Variants in CDH4 observed in about 807,000 individuals in gnomAD.
The protein encoded by CDH4 is cadherin 4, also known as cadherin-4.
In CDH4, 33 loss-of-function variants were observed where a neutral mutation model predicts 86.0. The ratio of observed to expected loss-of-function variants is 0.38; its 90% CI spans 0.29 to 0.51. The LOEUF (loss-of-function observed/expected upper bound fraction) is 0.51. CDH4 is among the 20% of genes least tolerant of loss of function. CDH4 has a pLI of 0.86. For missense variants in CDH4, 1,114 were observed against 1,307.4 expected, an observed-to-expected ratio of 0.85 and a Z score of 2.28; for synonymous variants, 555 against 549.4, an observed-to-expected ratio of 1.01 and a Z score of -0.14.
At chr20:61,720,471 T>G (rs1600911013) in intron 2 of CDH4, among the ~76,000 whole-genome samples, 4 of 92,080 alleles carry the variant, frequency 4.3e-5, no homozygotes, top group Admixed American at 1.3e-4. Flanking sequence ...GGTGAAGGGG[T>G]GGAGAATGCA....
intron 2 of CDH4, among the ~76,000 whole-genome samples, chr20:61,328,827 T>A (rs762213047): frequency 2.0e-5 from 3 of 152,212 alleles, no homozygotes; most frequent in Non-Finnish European, 4.4e-5. Context: ...AAAAATAGTT[T>A]GCTCAAGGAG....
At chr20:61,924,539 CGAGG>C in intron 11 of CDH4, 63 bp downstream of exon 11, 1 of 1,556,424 alleles carries the variant, frequency 6.4e-7, no homozygotes, top group Non-Finnish European at 8.7e-7. Context: ...GTTCTGTGGG[CGAGG>C]GAGGGTGCTG....
chr20:61,677,871 G>C (rs1307995090), intron 2 of CDH4, among the ~76,000 whole-genome samples: 2 of 97,108 alleles, frequency 2.1e-5, no homozygotes, highest in Non-Finnish European at 4.3e-5. Flanking sequence ...ATGGATAGAT[G>C]ATGGATAGAT....
intron 7 of CDH4, among the ~76,000 whole-genome samples, chr20:61,887,481 ACACAGGCATGCACACTCGTG>A (rs1984598626): frequency 1.3e-5 from 2 of 152,350 alleles, no homozygotes; most frequent in Non-Finnish European, 2.9e-5. Flanking sequence ...ATACACGCAC[ACACAGGCATGCACACTCGTG>A]CACAAGCACG....
At chr20:61,312,824 G>A (rs566079014) in intron 2 of CDH4, among the ~76,000 whole-genome samples, 1 of 152,210 alleles carries the variant, frequency 6.6e-6, no homozygotes, top group East Asian at 1.9e-4. Context: ...ACACCAAAGT[G>A]CCTGCAGTCC....
At chr20:61,368,944 C>T (rs1049037362) in intron 2 of CDH4, among the ~76,000 whole-genome samples, 5 of 152,110 alleles carry the variant, frequency 3.3e-5, no homozygotes, top group African/African-American at 4.8e-5. Context: ...CTGAGAAGGA[C>T]GCAGCATCAT....
intron 2 of CDH4, among the ~76,000 whole-genome samples, chr20:61,612,701 G>A (rs547928503): frequency 2.0e-4 from 31 of 152,182 alleles, no homozygotes; most frequent in African/African-American, 6.3e-4. Context: ...GCTTAGACTC[G>A]AGGGTCTAAT....
intron 2 of CDH4, among the ~76,000 whole-genome samples, chr20:61,425,605 G>A (rs2085208805): frequency 6.6e-6 from 1 of 152,268 alleles, no homozygotes; most frequent in African/African-American, 2.4e-5. Context: ...AGGAGGGGCA[G>A]AGCCCAGGGA....
intron 2 of CDH4, among the ~76,000 whole-genome samples, chr20:61,466,568 G>A (rs1416268121): frequency 6.6e-6 from 1 of 152,112 alleles, no homozygotes; most frequent in African/African-American, 2.4e-5. Context: ...TCCTGGCTGG[G>A]CACGGTGGTT....
At chr20:61,609,887 A>G (rs1178196318) in intron 2 of CDH4, among the ~76,000 whole-genome samples, 4 of 151,952 alleles carry the variant, frequency 2.6e-5, no homozygotes, top group Admixed American at 6.5e-5. Flanking sequence ...AGTTGTACAT[A>G]TTTTGGGGAT....
intron 2 of CDH4, among the ~76,000 whole-genome samples, chr20:61,562,154 G>T (rs62199237): frequency 1.9e-5 from 2 of 107,454 alleles, no homozygotes; most frequent in Non-Finnish European, 1.8e-5. Flanking sequence ...CAGGGCTCCC[G>T]GAGAGAGAGA....
At chr20:61,658,118 G>C (rs998235387) in intron 2 of CDH4, among the ~76,000 whole-genome samples, 1 of 152,100 alleles carries the variant, frequency 6.6e-6, no homozygotes, top group Non-Finnish European at 1.5e-5. Flanking sequence ...ATCTGGCTGC[G>C]CTGTTGGCTG....
At chr20:61,831,122 C>A (rs1341191304) in intron 4 of CDH4, among the ~76,000 whole-genome samples, 1 of 152,228 alleles carries the variant, frequency 6.6e-6, no homozygotes, top group Non-Finnish European at 1.5e-5. Context: ...TCTTCTCAGC[C>A]TCCTCACCAG....
chr20:61,852,024 G>A (rs1372977620), intron 5 of CDH4, among the ~76,000 whole-genome samples: 3 of 152,214 alleles, frequency 2.0e-5, no homozygotes, highest in East Asian at 1.9e-4. Context: ...AAGCTCCTGC[G>A]GAACCTTCCA....
chr20:61,883,899 CAGAG>C (rs373857125), intron 7 of CDH4, among the ~76,000 whole-genome samples: 5 of 152,320 alleles, frequency 3.3e-5, no homozygotes, highest in East Asian at 3.9e-4. Context: ...GACGGACAGA[CAGAG>C]AGAGGGGGAA....
At chr20:61,920,009 A>ATGTG (rs2054953148) in intron 9 of CDH4, among the ~76,000 whole-genome samples, 1 of 84,758 alleles carries the variant, frequency 1.2e-5, no homozygotes, top group African/African-American at 4.5e-5. Context: ...GTGGTGTCAC[A>ATGTG]GTGATTGCGT....
At chr20:61,630,460 C>G (rs774220870) in intron 2 of CDH4, among the ~76,000 whole-genome samples, 2 of 152,146 alleles carry the variant, frequency 1.3e-5, no homozygotes, top group Non-Finnish European at 2.9e-5. Flanking sequence ...GGACGCTCAG[C>G]GGGGCAGGTC....
intron 2 of CDH4, among the ~76,000 whole-genome samples, chr20:61,390,807 T>C (rs1312984529): frequency 6.6e-6 from 1 of 151,360 alleles, no homozygotes; most frequent in Non-Finnish European, 1.5e-5. Flanking sequence ...AGGGTGCCCA[T>C]AGTGCGGTGT....
chr20:61,825,286 G>A (rs1311553117), intron 4 of CDH4, among the ~76,000 whole-genome samples: 1 of 152,144 alleles, frequency 6.6e-6, no homozygotes, highest in Non-Finnish European at 1.5e-5. Context: ...GTGTACGCCT[G>A]TAGTTCCAGC....
Sources: allele counts gnomAD v4.1 joint callset (sites outside exome capture counted in the v4.1 genomes callset), GRCh38; gene constraint gnomAD v4.1.1; transcripts MANE v1.5; gene names NCBI Gene and HGNC (gene_info 2026-07-23, HGNC 2026-07-21).